Variants in PRUNE2 observed in about 807,000 individuals in gnomAD.
The protein encoded by PRUNE2 is protein prune homolog 2.
PRUNE2 carries 164 observed loss-of-function variants against 252.0 expected under a neutral mutation model. The observed-to-expected ratio is 0.65, with a 90% CI of 0.57 to 0.74. PRUNE2 has a LOEUF of 0.74. PRUNE2 is among the 30% of genes least tolerant of loss of function. The pLI, the probability that PRUNE2 is intolerant of heterozygous loss-of-function variation, is 0.00. For missense variants in PRUNE2, 3,495 were observed against 3,711.0 expected, an observed-to-expected ratio of 0.94 and a Z score of 1.51; for synonymous variants, 1,292 against 1,350.2, an observed-to-expected ratio of 0.96 and a Z score of 0.94.
intron 1 of PRUNE2, among the ~76,000 whole-genome samples, chr9:76,878,522 T>C (rs1202187189): frequency 1.3e-5 from 2 of 152,218 alleles, no homozygotes; most frequent in African/African-American, 4.8e-5. Context: ...CACTAAGAGA[T>C]GTGGGCTAGA....
chr9:76,640,792 A>G (rs1842260952), intron 12 of PRUNE2, among the ~76,000 whole-genome samples: 1 of 152,242 alleles, frequency 6.6e-6, no homozygotes, highest in Non-Finnish European at 1.5e-5. Flanking sequence ...CATCCTCAGC[A>G]TGACGAAAAG....
At chr9:76,634,599 T>TC (rs1432822433) in intron 15 of PRUNE2, among the ~76,000 whole-genome samples, 2 of 152,198 alleles carry the variant, frequency 1.3e-5, no homozygotes, top group African/African-American at 4.8e-5. Context: ...CTGTACCCAA[T>TC]CAAGCTATTT....
In PRUNE2 at chr9:76,681,462, A is replaced by T. The variant is rs138027034; in HGVS notation, c.8276+21875T>A. On this transcript the variant is annotated intron_variant, in intron 9 of 18. Transcript: ENST00000376718. ...TTCTTACCACGATTAAAAAAAAAAA[A>T]AAAAAGCAGGTGCCCTGGGAAAGGG... Among the ~76,000 whole-genome samples, 811 of 152,050 alleles carry T rather than the reference A, an allele frequency of 5.3e-3. 10 individuals are homozygous for T. Among genetic ancestry groups the T allele is most frequent in the African/African-American group, 0.019 (797 of 41,482 alleles).
chr9:76,772,590 G>T (rs1222808251), intron 6 of PRUNE2, among the ~76,000 whole-genome samples: 1 of 151,858 alleles, frequency 6.6e-6, no homozygotes, highest in Non-Finnish European at 1.5e-5. Flanking sequence ...TTAGAGACAG[G>T]GTCTTGCTTG....
intron 15 of PRUNE2, among the ~76,000 whole-genome samples, chr9:76,633,335 C>A (rs1218201920): frequency 6.6e-6 from 1 of 152,066 alleles, no homozygotes; most frequent in East Asian, 1.9e-4. Context: ...AACCCCAGCA[C>A]TTTGGGAGGC....
At chr9:76,869,400 G>C (rs957899331) in intron 1 of PRUNE2, among the ~76,000 whole-genome samples, 2 of 152,176 alleles carry the variant, frequency 1.3e-5, no homozygotes, top group African/African-American at 4.8e-5. Context: ...TTATTACACT[G>C]TGTGTTTTTC....
rs537297920 is a variant in PRUNE2 at position 76,821,475 on chromosome 9, T to C, written c.756+2157A>G. On this transcript the variant is annotated intron_variant, in intron 6 of 18. Transcript: ENST00000376718. Reference sequence around the variant, plus strand: ...TAAACTCTGACATTAACTTGGGAATTTTTCCAGCAGACAGATTGGATAACT... The same window carrying C: ...TAAACTCTGACATTAACTTGGGAATCTTTCCAGCAGACAGATTGGATAACT... Among the ~76,000 whole-genome samples, 7 of 152,298 alleles carry C rather than the reference T, an allele frequency of 4.6e-5. No homozygotes were observed. The South Asian group carries it at 1.5e-3, about 32-fold the overall frequency.
chr9:76,644,493 T>C (rs1259882115), intron 12 of PRUNE2: 1 of 576,384 alleles, frequency 1.7e-6, no homozygotes, highest in African/African-American at 1.9e-5. Flanking sequence ...CACAAGATGA[T>C]CGCTATCAGA....
intron 6 of PRUNE2, chr9:76,817,796 G>A (rs948131200): frequency 6.6e-6 from 1 of 152,106 alleles, no homozygotes; most frequent in South Asian, 2.1e-4. Flanking sequence ...ACCTTTTACT[G>A]GGAGGATTAA....
At chr9:76,652,079 G>T in intron 11 of PRUNE2, 1 of 158,082 alleles carries the variant, frequency 6.3e-6, no homozygotes, top group East Asian at 1.8e-4. Context: ...AAGGATCTGG[G>T]GAAAAGAACA....
intron 3 of PRUNE2, among the ~76,000 whole-genome samples, chr9:76,847,185 A>G (rs2059713042): frequency 6.6e-6 from 1 of 151,856 alleles, no homozygotes. Context: ...AATTAGCCTG[A>G]CGTGGTGGCA....
At chr9:76,876,982 A>C (rs1027105106) in intron 1 of PRUNE2, among the ~76,000 whole-genome samples, 3 of 152,188 alleles carry the variant, frequency 2.0e-5, no homozygotes, top group African/African-American at 7.2e-5. Context: ...GACATAGGAT[A>C]CTGAGCCCAA....
intron 9 of PRUNE2, among the ~76,000 whole-genome samples, chr9:76,693,539 G>A (rs1340261433): frequency 6.7e-6 from 1 of 148,182 alleles, no homozygotes; most frequent in Non-Finnish European, 1.5e-5. Context: ...TGCCTCCCAG[G>A]TTCAATCGAT....
Position 76,686,675 on chromosome 9 carries a change from T to G in PRUNE2, c.8276+16662A>C, listed in dbSNP as rs556757326. ...TCTGACTGTGTTGTCCAGGCTGGTC[T>G]GGAACTTCTGGTCTCAAGAGATCCT... On this transcript the variant is annotated intron_variant, in intron 9 of 18. Transcript: ENST00000376718. 2.4e-4 allele frequency among the ~76,000 whole-genome samples: 36 copies of G among 152,278 alleles called. 1 individual carries two copies. The East Asian group carries it at 6.6e-3, about 28-fold the overall frequency.
chr9:76,622,412 A>G (rs1328863532), intron 17 of PRUNE2, among the ~76,000 whole-genome samples: 1 of 152,220 alleles, frequency 6.6e-6, no homozygotes, highest in Non-Finnish European at 1.5e-5. Context: ...AAAAAAATCT[A>G]TTAAAAGAAG....
chr9:76,762,920 A>G (rs1401787281), intron 6 of PRUNE2, among the ~76,000 whole-genome samples: 1 of 152,168 alleles, frequency 6.6e-6, no homozygotes, highest in Non-Finnish European at 1.5e-5. Context: ...TCTGATTTAC[A>G]ATTTTTTTAA....
rs774488641 is a variant in PRUNE2 at position 76,703,321 on chromosome 9, C to G, written c.8276+16G>C. The G allele has an allele frequency of 6.5e-7, 1 of 1,546,286 alleles. No individual in the cohort carries two copies. The highest frequency in any genetic ancestry group is 2.1e-5 in the Admixed American group (1 of 46,816). On this transcript the variant is annotated intron_variant, in intron 9 of 18. Coordinates refer to ENST00000376718, the MANE Select transcript of PRUNE2 (RefSeq NM_015225.3). ...TTGCTTTTCAGGAAAAAAAATAAAT[C>G]TAGCTTTTTGCTTACCCATTTGGTC...
At chr9:76,899,737 C>T (rs982455906) in intron 1 of PRUNE2, among the ~76,000 whole-genome samples, 6 of 152,120 alleles carry the variant, frequency 3.9e-5, no homozygotes, top group South Asian at 2.1e-4. Flanking sequence ...TAATGACAAG[C>T]GGAAATAAGT....
intron 9 of PRUNE2, among the ~76,000 whole-genome samples, chr9:76,668,561 G>T (rs545263275): frequency 6.6e-6 from 1 of 152,182 alleles, no homozygotes; most frequent in African/African-American, 2.4e-5. Flanking sequence ...TGTGAAAAGG[G>T]CCTGGGTGGG....
Sources: allele counts gnomAD v4.1 joint callset (sites outside exome capture counted in the v4.1 genomes callset), GRCh38; gene constraint gnomAD v4.1.1; transcripts MANE v1.5; gene names NCBI Gene and HGNC (gene_info 2026-07-23, HGNC 2026-07-21).